The following SLC11A2 variants were observed in gnomAD, a reference collection of about 807,000 sequenced individuals.
SLC11A2 encodes the protein solute carrier family 11 member 2.
SLC11A2 carries 38 observed loss-of-function variants against 68.0 expected under a neutral mutation model. That is an observed-to-expected ratio of 0.56 (90% confidence interval 0.43 to 0.73). SLC11A2 has a LOEUF of 0.73. SLC11A2 is among the 30% of genes least tolerant of loss of function. The pLI is 0.00. For synonymous variants in SLC11A2, 242 were observed against 250.6 expected, an observed-to-expected ratio of 0.97 and a Z score of 0.32; for missense variants, 517 against 690.5, an observed-to-expected ratio of 0.75 and a Z score of 2.82.
upstream of SLC11A2, chr12:51,028,308 G>A: frequency 9.7e-7 from 1 of 1,032,864 alleles, no homozygotes; most frequent in Middle Eastern, 2.3e-4. Context: ...GTTAGATAAA[G>A]GGCACTTTTG....
downstream of SLC11A2, among the ~76,000 whole-genome samples, chr12:50,983,252 T>G (rs1940224947): frequency 6.6e-6 from 1 of 152,224 alleles, no homozygotes; most frequent in Non-Finnish European, 1.5e-5. Flanking sequence ...TTCTTTTTAC[T>G]TTTTCTCTTC....
intron 1 of SLC11A2, among the ~76,000 whole-genome samples, chr12:51,020,143 C>T (rs547013579): frequency 3.9e-4 from 60 of 151,942 alleles, no homozygotes; most frequent in Non-Finnish European, 6.8e-4. Context: ...GTTGCACAAT[C>T]CCAGGCTCAA....
intron 14 of SLC11A2, 108 bp from the exon 15 acceptor site, chr12:50,991,056 G>C (rs1257000706): frequency 9.7e-7 from 1 of 1,031,850 alleles, no homozygotes; most frequent in East Asian, 2.5e-5. Flanking sequence ...TGGAAAAATT[G>C]TTCTTAATTT....
chr12:51,010,867 A>G (rs999772834), intron 1 of SLC11A2, 101 bp from the exon 2 acceptor site: 8 of 509,584 alleles, frequency 1.6e-5, no homozygotes, highest in Non-Finnish European at 2.8e-5. Context: ...TTACTATGAA[A>G]AGAGTAATTT....
At chr12:51,008,688 T>C in intron 2 of SLC11A2, 64 bp from the exon 3 acceptor site, 3 of 1,294,524 alleles carry the variant, frequency 2.3e-6, no homozygotes, top group Middle Eastern at 2.0e-4. Context: ...CAATTCATCC[T>C]TAGTATACTG....
chr12:51,008,654 T>TA, intron 2 of SLC11A2, 30 bp from the exon 3 acceptor site: 2 of 1,572,292 alleles, frequency 1.3e-6, no homozygotes, highest in Non-Finnish European at 1.8e-6. Flanking sequence ...AATAAATTAG[T>TA]AAAAAATGAA....
intron 1 of SLC11A2, 112 bp from the exon 2 acceptor site, chr12:51,010,878 T>G: frequency 2.0e-6 from 1 of 495,952 alleles, no homozygotes; most frequent in Non-Finnish European, 3.7e-6. Flanking sequence ...AGAGTAATTT[T>G]TCTACTGAAT....
At chr12:50,982,923 A>G (rs1167010503), downstream of SLC11A2, among the ~76,000 whole-genome samples, 3 of 148,304 alleles carry the variant, frequency 2.0e-5, no homozygotes, top group African/African-American at 7.5e-5. Flanking sequence ...CCTGGGCAAC[A>G]CAGCGAGACT....
the SLC11A2 span, among the ~76,000 whole-genome samples, chr12:50,962,236 C>A: frequency 1.3e-5 from 2 of 148,284 alleles, no homozygotes; most frequent in African/African-American, 2.5e-5. Context: ...AAAAATTACA[C>A]ACACACACAC....
downstream of SLC11A2, among the ~76,000 whole-genome samples, chr12:50,976,846 C>T (rs1423294458): frequency 2.0e-5 from 3 of 152,030 alleles, no homozygotes; most frequent in Non-Finnish European, 2.9e-5. Flanking sequence ...TCTTATACAC[C>T]AATAACAGAC....
Position 50,994,549 on chromosome 12 carries a change from T to G in SLC11A2, c.1072A>C (p.Lys358Gln). Reference protein sequence around the residue: ...DNSTLAVDIYKGGVVLGCYFG... With the variant: ...DNSTLAVDIYQGGVVLGCYFG... ...ACAAATCCAAACATGCTTACCCCTT[T>G]GTAGATGTCCACAGCCAGTGTCGAG... Residue 358 changes from lysine to glutamine, a missense_variant, in exon 11 of 16, where the codon AAA becomes CAA. Transcript: ENST00000262052. 2 of 1,598,870 alleles carry G rather than the reference T, an allele frequency of 1.3e-6. No individual in the cohort carries two copies. The highest frequency in any genetic ancestry group is 1.7e-6 in the Non-Finnish European group (2 of 1,165,982).
the SLC11A2 span, among the ~76,000 whole-genome samples, chr12:50,963,116 T>C: frequency 2.0e-5 from 3 of 151,884 alleles, no homozygotes; most frequent in Non-Finnish European, 2.9e-5. Flanking sequence ...GCACCTGTAA[T>C]CCCAGCACTT....
chr12:50,992,469 G>A (rs534074922), intron 12 of SLC11A2, 130 bp from the exon 13 acceptor site: 46 of 839,654 alleles, frequency 5.5e-5, no homozygotes, highest in Non-Finnish European at 7.6e-5. Context: ...AGTGGCTCAC[G>A]CCTGTAATCC....
intron 1 of SLC11A2, among the ~76,000 whole-genome samples, chr12:51,012,465 C>T (rs563822400): frequency 3.9e-5 from 6 of 152,326 alleles, no homozygotes; most frequent in African/African-American, 1.4e-4. Flanking sequence ...TAATAACTGT[C>T]CTACTGAAGA....
At position 50,994,606 on chromosome 12, in the gene SLC11A2, T is replaced by C. The variant is rs780255253; in HGVS notation, c.1015A>G (p.Ser339Gly). Reference sequence around the variant, plus strand: ...TTAGGAAAGAGGCCAGCATGAGGACTGCTGGTATTTGTACAGACTTCAACC... The same window carrying C: ...TTAGGAAAGAGGCCAGCATGAGGACCGCTGGTATTTGTACAGACTTCAACC... ...QVVEVCTNTS[S>G]PHAGLFPKDN... Residue 339 changes from serine (S) to glycine (G), a missense_variant, in exon 11 of 16, where the codon AGT becomes GGT. Transcript: ENST00000262052. 4.3e-6 allele frequency: 7 copies of C among 1,612,548 alleles called. No individual in the cohort carries two copies. In the Admixed American group the frequency reaches 5.0e-5, roughly 12 times the overall value.
the SLC11A2 span, among the ~76,000 whole-genome samples, chr12:50,967,628 A>G: frequency 2.8e-3 from 431 of 152,330 alleles, 2 homozygotes; most frequent in African/African-American, 1.0e-2. Flanking sequence ...ATGGACTGTT[A>G]GCATCCTCCT....
At chr12:51,017,046 T>TA (rs949041059) in intron 1 of SLC11A2, among the ~76,000 whole-genome samples, 4 of 151,634 alleles carry the variant, frequency 2.6e-5, no homozygotes, top group African/African-American at 9.7e-5. Flanking sequence ...TTTTACAAGA[T>TA]AAAAATGCTA....
chr12:51,026,185 C>G (rs1944371816), intron 1 of SLC11A2, 125 bp downstream of exon 1: 1 of 1,182,852 alleles, frequency 8.5e-7, no homozygotes, highest in Non-Finnish European at 1.1e-6. Flanking sequence ...CACAGCCCCG[C>G]ACGGCGAGCC....
rs748329523 is a variant in SLC11A2 at position 51,000,370 on chromosome 12, G to T, written c.479C>A (p.Ser160Ter). The T allele has an allele frequency of 6.2e-7, 1 of 1,614,040 alleles. No individual in the cohort carries two copies. The highest frequency in any genetic ancestry group is 1.3e-5 in the African/African-American group (1 of 74,930). Residue 160 changes from serine to a stop codon, truncating the protein, a stop_gained, in exon 6 of 16, where the codon TCA (serine) becomes TAA (stop). Transcript: ENST00000262052. LOFTEE classifies it high-confidence loss of function. ...TGAGCCAATGACTTCTTGCATGTCTGAGCCGATGATAGCCAACTCCACCAT... is the reference window on the plus strand; with the variant it reads ...TGAGCCAATGACTTCTTGCATGTCTTAGCCGATGATAGCCAACTCCACCAT... ...WLMVELAIIG[S>*]DMQEVIGSAI...
Sources: gnomAD v4.1 joint callset for allele counts (sites outside exome capture counted in the v4.1 genomes callset) on GRCh38, gnomAD v4.1.1 for gene constraint, MANE v1.5 for transcripts, NCBI Gene and HGNC (gene_info 2026-07-23, HGNC 2026-07-21) for gene names.